The following USP44 variants were observed in gnomAD, a reference collection of about 807,000 sequenced individuals.
The protein encoded by USP44 is ubiquitin specific peptidase 44.
In USP44, 61 loss-of-function variants were observed where a neutral mutation model predicts 69.0. The ratio of observed to expected loss-of-function variants is 0.88; its 90% CI spans 0.72 to 1.09. USP44 has a LOEUF of 1.09. Ranked by LOEUF, USP44 falls within the 50% of genes least tolerant of loss-of-function variation. The probability of loss-of-function intolerance (pLI) is 0.00; values close to 1 mark genes in which losing one functional copy is unlikely to be tolerated. For missense variants in USP44, 753 were observed against 849.9 expected, an observed-to-expected ratio of 0.89 and a Z score of 1.42; for synonymous variants, 297 against 295.4, an observed-to-expected ratio of 1.01 and a Z score of -0.06.
chr12:95,545,917 C>G (rs2077555356), intron 1 of USP44, among the ~76,000 whole-genome samples: 2 of 152,158 alleles, frequency 1.3e-5, no homozygotes, highest in Admixed American at 1.3e-4. Flanking sequence ...TTACCCTGAT[C>G]TTGCTTGGAA....
At chr12:95,543,478 C>A (rs1000659030) in intron 1 of USP44, among the ~76,000 whole-genome samples, 1 of 146,044 alleles carries the variant, frequency 6.8e-6, no homozygotes, top group African/African-American at 2.5e-5. Flanking sequence ...CATAGCAAGA[C>A]CCTGTCTCTA....
chr12:95,550,365 A>G (rs971538128), intron 1 of USP44, among the ~76,000 whole-genome samples: 1 of 152,180 alleles, frequency 6.6e-6, no homozygotes. Context: ...ATGAATTTGC[A>G]TAGTTTAATA....
chr12:95,523,950 C>T (rs1338994994), intron 4 of USP44, among the ~76,000 whole-genome samples: 4 of 152,030 alleles, frequency 2.6e-5, no homozygotes, highest in Admixed American at 6.6e-5. Context: ...GATGTTGGCT[C>T]ACTGCAACCT....
intron 1 of USP44, among the ~76,000 whole-genome samples, chr12:95,545,509 A>G (rs1285528010): frequency 6.6e-6 from 1 of 152,212 alleles, no homozygotes; most frequent in Non-Finnish European, 1.5e-5. Context: ...GGAATTACTA[A>G]CCACCACAAT....
chr12:95,521,900 G>C (rs1020465811), intron 4 of USP44: 8 of 357,248 alleles, frequency 2.2e-5, no homozygotes, highest in Non-Finnish European at 2.7e-5. Context: ...AACAAAACAG[G>C]GCATCTCTAT....
At chr12:95,522,634 C>A (rs2076701482) in intron 4 of USP44, among the ~76,000 whole-genome samples, 1 of 151,964 alleles carries the variant, frequency 6.6e-6, no homozygotes, top group Admixed American at 6.6e-5. Context: ...AAAAATTAGC[C>A]AGGCTTGATG....
intron 1 of USP44, among the ~76,000 whole-genome samples, chr12:95,542,524 G>A (rs541196712): frequency 6.6e-6 from 1 of 152,302 alleles, no homozygotes; most frequent in South Asian, 2.1e-4. Flanking sequence ...CCAGCACTTT[G>A]GGAGGCCAAG....
intron 3 of USP44, among the ~76,000 whole-genome samples, chr12:95,526,286 T>G (rs957413088): frequency 7.9e-5 from 12 of 152,092 alleles, no homozygotes; most frequent in Non-Finnish European, 1.8e-4. Flanking sequence ...TAAAAAAACC[T>G]TATAGGCCGG....
At chr12:95,524,651 A>G in intron 4 of USP44, 29 bp downstream of exon 4, 1 of 1,523,282 alleles carries the variant, frequency 6.6e-7, no homozygotes, top group African/African-American at 1.4e-5. Context: ...ACAAGGAATG[A>G]TAACTTTGCA....
chr12:95,543,498 A>T (rs1361209799), intron 1 of USP44, among the ~76,000 whole-genome samples: 1 of 151,886 alleles, frequency 6.6e-6, no homozygotes, highest in African/African-American at 2.4e-5. Context: ...AGAAAAAAAG[A>T]AGAAAAAAAG....
At chr12:95,535,149 T>C (rs1398819418) in intron 1 of USP44, among the ~76,000 whole-genome samples, 2 of 152,250 alleles carry the variant, frequency 1.3e-5, no homozygotes, top group African/African-American at 2.4e-5. Flanking sequence ...CTGTTAAATG[T>C]ATGATTTTGA....
chr12:95,528,608 C>T (rs758229023), intron 3 of USP44, among the ~76,000 whole-genome samples, 199 bp downstream of exon 3: 1 of 152,140 alleles, frequency 6.6e-6, no homozygotes, highest in Non-Finnish European at 1.5e-5. Flanking sequence ...AGATCAGAAA[C>T]AATTTAAATT....
intron 5 of USP44, among the ~76,000 whole-genome samples, chr12:95,519,684 G>A (rs1319612747): frequency 3.2e-4 from 48 of 149,908 alleles, no homozygotes; most frequent in African/African-American, 1.0e-3. Flanking sequence ...CACCCGCCTC[G>A]GCCTCCCAAA....
Position 95,533,048 on chromosome 12 carries a change from AAATGGTG to A in USP44, c.1202_1208del (p.Ser401LeufsTer30). On this transcript the variant is annotated frameshift_variant, in exon 2 of 6. Transcript: ENST00000258499. LOFTEE classifies it high-confidence loss of function. ...GTCTCCACACTGAGTGTAGCATAGC[AAATGGTG>A]AGACCAACGCCCACTTTCCAGACCA... 6.2e-7 allele frequency: 1 copy of A among 1,614,248 alleles called. No homozygotes were observed. The highest frequency in any genetic ancestry group is 1.1e-5 in the South Asian group (1 of 91,088).
At chr12:95,520,469 G>A (rs2076624451) in intron 5 of USP44, among the ~76,000 whole-genome samples, 1 of 152,050 alleles carries the variant, frequency 6.6e-6, no homozygotes, top group Admixed American at 6.6e-5. Context: ...TCCAGCCTGG[G>A]CGACAGAGCG....
chr12:95,550,357 G>A (rs1366538945), intron 1 of USP44, among the ~76,000 whole-genome samples: 1 of 152,082 alleles, frequency 6.6e-6, no homozygotes, highest in East Asian at 1.9e-4. Context: ...TTAAAGGGAT[G>A]AATTTGCATA....
At chr12:95,543,978 A>G (rs2077483980) in intron 1 of USP44, among the ~76,000 whole-genome samples, 1 of 149,080 alleles carries the variant, frequency 6.7e-6, no homozygotes, top group African/African-American at 2.4e-5. Context: ...AAAAAAAAAA[A>G]AAAAAAAAAA....
At chr12:95,526,837 CACTACACTAT>C (rs1237901746) in intron 3 of USP44, among the ~76,000 whole-genome samples, 1 of 152,016 alleles carries the variant, frequency 6.6e-6, no homozygotes, top group Admixed American at 6.6e-5. Flanking sequence ...GTTTACTATA[CACTACACTAT>C]ACTACACTAT....
At chr12:95,532,163 T>C (rs2140286588) in intron 2 of USP44, among the ~76,000 whole-genome samples, 1 of 139,152 alleles carries the variant, frequency 7.2e-6, no homozygotes, top group Non-Finnish European at 1.5e-5. Flanking sequence ...CTTTCTTTCT[T>C]TGGGTTTTTT....
Sources: allele counts gnomAD v4.1 joint callset (sites outside exome capture counted in the v4.1 genomes callset), GRCh38; gene constraint gnomAD v4.1.1; transcripts MANE v1.5; gene names NCBI Gene and HGNC (gene_info 2026-07-23, HGNC 2026-07-21).